Variants in JDP2 observed in about 807,000 individuals in gnomAD.
JDP2 encodes the protein Jun dimerization protein 2.
In JDP2, 9 loss-of-function variants were observed where a neutral mutation model predicts 17.1. The observed-to-expected ratio is 0.53, with a 90% CI of 0.32 to 0.92. JDP2 has a LOEUF of 0.92. Among genes scored for constraint, JDP2 ranks in the 40% least tolerant of loss-of-function variants. The pLI is 0.04. For missense variants in JDP2, 179 were observed against 220.0 expected, an observed-to-expected ratio of 0.81 and a Z score of 1.18; for synonymous variants, 107 against 95.6, an observed-to-expected ratio of 1.12 and a Z score of -0.69.
intron 3 of JDP2, among the ~76,000 whole-genome samples, chr14:75,462,479 G>A (rs1234003621): frequency 1.3e-5 from 2 of 152,222 alleles, no homozygotes; most frequent in Non-Finnish European, 2.9e-5. Context: ...ACCATATGAA[G>A]TGGGTACCTT....
rs1382662508 is a variant in JDP2 at position 75,473,125 on chromosome 14, G to C, written c.*3650G>C. 6.6e-6 allele frequency: 1 copy of C among 152,246 alleles called. No individual in the cohort carries two copies. Among genetic ancestry groups the C allele is most frequent in the Non-Finnish European group, 1.5e-5 (1 of 68,054 alleles). The allele number at this position is 152,246 out of a possible 1,614,324, so 9.4% of individuals were successfully genotyped here. The stretch of plus-strand genomic sequence containing the variant: ...GAGGCCAAGATGGGTGGATCATGAG[G>C]TCAGAAGATTGAGACCACCCTGGAT... On this transcript the variant is annotated 3_prime_UTR_variant, in exon 4 of 4. Coordinates refer to ENST00000651602, the MANE Select transcript of JDP2 (RefSeq NM_001135048.2).
intron 2 of JDP2, among the ~76,000 whole-genome samples, chr14:75,455,446 A>G (rs1401947396): frequency 6.6e-6 from 1 of 152,144 alleles, no homozygotes. Context: ...TTGTTTGCCT[A>G]TCAGATCCAT....
intron 2 of JDP2, among the ~76,000 whole-genome samples, chr14:75,454,133 G>A (rs1885995503): frequency 6.6e-6 from 1 of 152,194 alleles, no homozygotes. Context: ...TGAGAAACAC[G>A]GAAATGGGTG....
chr14:75,451,403 G>C (rs1027351401), intron 2 of JDP2, among the ~76,000 whole-genome samples: 1 of 152,070 alleles, frequency 6.6e-6, no homozygotes, highest in East Asian at 1.9e-4. Flanking sequence ...CAAGAGGGAC[G>C]GGGGTGTGGG....
intron 2 of JDP2, among the ~76,000 whole-genome samples, chr14:75,441,175 G>A (rs1019517986): frequency 4.6e-5 from 7 of 152,136 alleles, no homozygotes; most frequent in Admixed American, 2.6e-4. Context: ...CGGCTGAGCC[G>A]CTGTGCGGGC....
intron 2 of JDP2, among the ~76,000 whole-genome samples, chr14:75,446,351 A>G (rs1214984982): frequency 3.3e-5 from 5 of 152,202 alleles, no homozygotes; most frequent in Admixed American, 2.0e-4. Context: ...AAAAACATAC[A>G]TGAGAGTTTA....
chr14:75,466,309 C>G (rs1028431185), intron 3 of JDP2, among the ~76,000 whole-genome samples: 1 of 152,136 alleles, frequency 6.6e-6, no homozygotes, highest in East Asian at 1.9e-4. Flanking sequence ...GGCGTGGTGG[C>G]ACATGCCTGT....
intron 2 of JDP2, among the ~76,000 whole-genome samples, chr14:75,460,743 G>A (rs917300303): frequency 6.6e-6 from 1 of 152,198 alleles, no homozygotes; most frequent in African/African-American, 2.4e-5. Context: ...GTCCACCTGT[G>A]GGAGAGCTGA....
At chr14:75,447,701 A>C (rs1594958816) in intron 2 of JDP2, among the ~76,000 whole-genome samples, 2 of 152,176 alleles carry the variant, frequency 1.3e-5, no homozygotes, top group East Asian at 3.8e-4. Flanking sequence ...ACTATTGCCC[A>C]GGCTGGAGTG....
intron 1 of JDP2, among the ~76,000 whole-genome samples, chr14:75,433,591 G>A (rs1884921691): frequency 7.5e-6 from 1 of 133,510 alleles, no homozygotes; most frequent in African/African-American, 3.0e-5. Context: ...GGATCCATCT[G>A]GTCCCCATTT....
intron 2 of JDP2, among the ~76,000 whole-genome samples, chr14:75,443,088 A>G (rs1254175150): frequency 1.3e-5 from 2 of 152,076 alleles, no homozygotes; most frequent in Non-Finnish European, 2.9e-5. Flanking sequence ...GGGTCCCTGG[A>G]GAACATTGAG....
chr14:75,432,083 G>A (rs1313880878), intron 1 of JDP2: 19 of 567,566 alleles, frequency 3.3e-5, no homozygotes, highest in Admixed American at 1.6e-4. Context: ...CTCCAAAACC[G>A]CCACTCTTAA....
At chr14:75,460,816 A>T (rs1886318876) in intron 2 of JDP2, among the ~76,000 whole-genome samples, 1 of 152,226 alleles carries the variant, frequency 6.6e-6, no homozygotes, top group African/African-American at 2.4e-5. Context: ...CCCTCAGGAC[A>T]TCTGAACCTG....
rs551391564 is a variant in JDP2 at position 75,463,133 on chromosome 14, T to A, written c.306+1603T>A. Among the ~76,000 whole-genome samples the A allele has an allele frequency of 2.0e-5, 3 of 152,356 alleles. No individual in the cohort carries two copies. The East Asian group carries it at 5.8e-4, about 29-fold the overall frequency. On this transcript the variant is annotated intron_variant, in intron 3 of 3. Coordinates refer to ENST00000651602, the MANE Select transcript of JDP2 (RefSeq NM_001135048.2). ...GCAAGATACGCCCTAGCGGACAGCA[T>A]GTTAGTGACACACCAGTGCAATAAA... is the stretch of plus-strand genomic sequence containing the variant.
intron 2 of JDP2, among the ~76,000 whole-genome samples, chr14:75,443,068 A>G (rs2139961133): frequency 6.6e-6 from 1 of 152,074 alleles, no homozygotes; most frequent in East Asian, 1.9e-4. Context: ...GCGATTTCCC[A>G]TCTTCTCCAG....
chr14:75,469,238 C>T (rs1471619405), intron 3 of JDP2, 52 bp from the exon 4 acceptor site: 2 of 1,565,878 alleles, frequency 1.3e-6, no homozygotes, highest in East Asian at 4.5e-5. Context: ...AGAGCCTCTC[C>T]CCAGAGCCAG....
chr14:75,452,690 A>C (rs1428406136), intron 2 of JDP2, among the ~76,000 whole-genome samples: 1 of 152,232 alleles, frequency 6.6e-6, no homozygotes, highest in Non-Finnish European at 1.5e-5. Flanking sequence ...AGCAGCACTG[A>C]GCCTGCATCC....
intron 2 of JDP2, among the ~76,000 whole-genome samples, chr14:75,447,091 C>A (rs1311676481): frequency 6.6e-6 from 1 of 152,184 alleles, no homozygotes; most frequent in Non-Finnish European, 1.5e-5. Flanking sequence ...ATAGCAGTTT[C>A]TAACTCTGAC....
chr14:75,462,592 G>T (rs1409154372), intron 3 of JDP2, among the ~76,000 whole-genome samples: 1 of 152,106 alleles, frequency 6.6e-6, no homozygotes, highest in Non-Finnish European at 1.5e-5. Flanking sequence ...TTGCTCTTTT[G>T]TTCATTAATT....
Sources: gnomAD v4.1 joint callset for allele counts (sites outside exome capture counted in the v4.1 genomes callset) on GRCh38, gnomAD v4.1.1 for gene constraint, MANE v1.5 for transcripts, NCBI Gene and HGNC (gene_info 2026-07-23, HGNC 2026-07-21) for gene names.